The following SYT6 variants were observed in gnomAD, a reference collection of about 807,000 sequenced individuals.
SYT6 encodes the protein synaptotagmin 6.
Under a neutral mutation model 38.4 loss-of-function variants are expected in SYT6, and 24 were observed. The ratio of observed to expected loss-of-function variants is 0.62; its 90% CI spans 0.45 to 0.88. SYT6 has a LOEUF of 0.88. Ranked by LOEUF, SYT6 falls within the 40% of genes least tolerant of loss-of-function variation. The probability of loss-of-function intolerance (pLI) is 0.00; values close to 1 mark genes in which losing one functional copy is unlikely to be tolerated. For missense variants in SYT6, 611 were observed against 621.0 expected (o/e 0.98, Z 0.17); for synonymous variants, 265 against 241.9 (o/e 1.10, Z -0.89).
chr1:114,119,990 G>C (rs1677284600), intron 3 of SYT6, among the ~76,000 whole-genome samples: 1 of 150,316 alleles, frequency 6.7e-6, no homozygotes, highest in South Asian at 2.1e-4. Flanking sequence ...AGAACGGCCT[G>C]AACCTGGGAG....
At position 114,131,018 on chromosome 1, in the gene SYT6, C is replaced by T. The variant is rs142541935; in HGVS notation, c.1071+6477G>A. On this transcript the variant is annotated intron_variant, in intron 3 of 7. Coordinates refer to ENST00000610222, the MANE Select transcript of SYT6 (RefSeq NM_001253772.2). ...ATCTCATTCGACTTGAGTGTGTGGG[C>T]GTGAGAAGAGGATGCAACTGAAATT... is the stretch of plus-strand genomic sequence containing the variant. Among the ~76,000 whole-genome samples, 248 of 152,096 alleles carry T rather than the reference C, an allele frequency of 1.6e-3. 2 individuals carry two copies. The highest frequency in any genetic ancestry group is 5.6e-3 in the African/African-American group (234 of 41,484).
At chr1:114,108,570 C>G (rs1451745240) in intron 3 of SYT6, among the ~76,000 whole-genome samples, 1 of 152,134 alleles carries the variant, frequency 6.6e-6, no homozygotes, top group African/African-American at 2.4e-5. Flanking sequence ...CCATGAGAAC[C>G]CAAGATTCCA....
intron 3 of SYT6, among the ~76,000 whole-genome samples, chr1:114,115,266 A>G (rs939390025): frequency 1.3e-5 from 2 of 152,210 alleles, no homozygotes; most frequent in Non-Finnish European, 2.9e-5. Flanking sequence ...AGTTGGAAGA[A>G]CCAATTGAAC....
chr1:114,112,664 C>T (rs2101016006), intron 3 of SYT6, among the ~76,000 whole-genome samples: 1 of 152,356 alleles, frequency 6.6e-6, no homozygotes, highest in Non-Finnish European at 1.5e-5. Context: ...GGTGCTTGTG[C>T]CTGAGAGCCC....
chr1:114,118,985 G>A (rs539564159), intron 3 of SYT6, among the ~76,000 whole-genome samples: 9 of 152,308 alleles, frequency 5.9e-5, no homozygotes, highest in Admixed American at 5.9e-4. Context: ...GCACACCATT[G>A]TTCTGCAGGG....
chr1:114,101,255 A>T (rs1675951484), intron 4 of SYT6, among the ~76,000 whole-genome samples: 1 of 152,170 alleles, frequency 6.6e-6, no homozygotes, highest in Admixed American at 6.5e-5. Flanking sequence ...ACCAGCATCC[A>T]TGAAGCCAAG....
At chr1:114,093,077 T>C (rs1203811039) in intron 7 of SYT6, among the ~76,000 whole-genome samples, 1 of 152,124 alleles carries the variant, frequency 6.6e-6, no homozygotes, top group Non-Finnish European at 1.5e-5. Flanking sequence ...CTCATGAGCG[T>C]TGAGGGTCTC....
chr1:114,137,699 G>A lies in SYT6; in HGVS notation c.867C>T (p.Thr289=). The A allele has an allele frequency of 1.2e-6, 2 of 1,613,878 alleles. No homozygotes were observed. The highest frequency in any genetic ancestry group is 1.7e-6 in the Non-Finnish European group (2 of 1,179,806). ...AGTTCTCATCAAAGGTGGGGTTCAG[G>A]GTCTTGCGGTGCACCCGGGTCTGCA... ...CKLQTRVHRK[T]LNPTFDENFH... is the part of the protein sequence containing the mutation. The change falls in exon 3 of 8, where the codon ACC becomes ACT. Residue 289 remains threonine (T), a synonymous_variant. Coordinates refer to ENST00000610222, the MANE Select transcript of SYT6 (RefSeq NM_001253772.2).
At chr1:114,126,093 A>T (rs563467053) in intron 3 of SYT6, among the ~76,000 whole-genome samples, 1 of 152,168 alleles carries the variant, frequency 6.6e-6, no homozygotes. Context: ...ATAAAAACCC[A>T]GAGACTAGGA....
Position 114,137,715 on chromosome 1 carries a change from C to T in SYT6, c.851G>A (p.Arg284Gln), listed in dbSNP as rs778219099. 6 of 1,613,808 alleles carry T rather than the reference C, an allele frequency of 3.7e-6. No homozygotes were observed. Among genetic ancestry groups the T allele is most frequent in the East Asian group, 2.2e-5 (1 of 44,880 alleles). The change falls in exon 3 of 8, where the codon CGG becomes CAG. Residue 284 changes from arginine (R) to glutamine (Q), a missense_variant. Physicochemically the swap from Arg to Gln is conservative, Grantham distance 43 (BLOSUM62 1). Transcript: ENST00000610222. ...LPDRKCKLQT[R>Q]VHRKTLNPTF... ...GGGGTTCAGGGTCTTGCGGTGCACC[C>T]GGGTCTGCAGCTTGCATTTGCGGTC...
chr1:114,124,061 T>C (rs1254458995), intron 3 of SYT6, among the ~76,000 whole-genome samples: 1 of 152,200 alleles, frequency 6.6e-6, no homozygotes, highest in Admixed American at 6.5e-5. Context: ...TAGAAGTGGC[T>C]TCCCCCTTCC....
At chr1:114,094,664 TAAAAA>T (rs1170209788) in intron 6 of SYT6, among the ~76,000 whole-genome samples, 3 of 152,166 alleles carry the variant, frequency 2.0e-5, no homozygotes, top group East Asian at 1.9e-4. Flanking sequence ...TTCTCATTAA[TAAAAA>T]AGAAATGATC....
At chr1:114,097,615 C>T in intron 6 of SYT6, 112 bp downstream of exon 6, 1 of 1,344,174 alleles carries the variant, frequency 7.4e-7, no homozygotes, top group Non-Finnish European at 1.0e-6. Context: ...AGCATGTGGC[C>T]CTCATGCCCA....
chr1:114,101,737 G>T (rs547311899), intron 4 of SYT6, among the ~76,000 whole-genome samples: 1 of 152,194 alleles, frequency 6.6e-6, no homozygotes, highest in Non-Finnish European at 1.5e-5. Context: ...GATCTAGTTC[G>T]AGAGGCTCCT....
In SYT6 at chr1:114,138,016, G is replaced by T. The variant is rs1678610737; in HGVS notation, c.550C>A (p.His184Asn). The stretch of plus-strand genomic sequence containing the variant: ...TTGCCATAGTCTACACTGGAGACAT[G>T]CATCTGCCTTGGCAGGTGGCGCTTG... ...SFKRHLPRQM[H>N]VSSVDYGNEL... is the part of the protein sequence containing the mutation. Residue 184 changes from histidine to asparagine, a missense_variant, in exon 3 of 8, where the codon CAT becomes AAT. Coordinates refer to ENST00000610222, the MANE Select transcript of SYT6 (RefSeq NM_001253772.2). 2 of 1,613,994 alleles carry T rather than the reference G, an allele frequency of 1.2e-6. No individual in the cohort carries two copies. The highest frequency in any genetic ancestry group is 4.5e-5 in the East Asian group (2 of 44,858).
At chr1:114,093,076 G>A (rs971963753) in intron 7 of SYT6, among the ~76,000 whole-genome samples, 3 of 152,266 alleles carry the variant, frequency 2.0e-5, no homozygotes, top group South Asian at 2.1e-4. Context: ...TCTCATGAGC[G>A]TTGAGGGTCT....
chr1:114,135,950 G>A (rs1361919765), intron 3 of SYT6, among the ~76,000 whole-genome samples: 1 of 152,220 alleles, frequency 6.6e-6, no homozygotes, highest in African/African-American at 2.4e-5. Flanking sequence ...TTTATGGAGT[G>A]GAGCGCTCGG....
intron 1 of SYT6, among the ~76,000 whole-genome samples, chr1:114,153,260 A>G (rs1166883498): frequency 6.6e-6 from 1 of 152,122 alleles, no homozygotes; most frequent in Non-Finnish European, 1.5e-5. Flanking sequence ...CGCTCTCTCC[A>G]TGGACCCCTC....
rs764976999 is a variant in SYT6, at chr1:114,099,092, A to G, written c.1364+2T>C. On this transcript the variant is annotated splice_donor_variant, in intron 5 of 7. Coordinates refer to ENST00000610222, the MANE Select transcript of SYT6 (RefSeq NM_001253772.2). LOFTEE classifies it high-confidence loss of function. Reference sequence around the variant, plus strand: ...TTACGTCCCTCTAGGACGCCTACCTACCGATCATAGTCCATGACTGAGATG... The same window carrying G: ...TTACGTCCCTCTAGGACGCCTACCTGCCGATCATAGTCCATGACTGAGATG... The G allele has an allele frequency of 3.1e-6, 5 of 1,611,356 alleles. No homozygotes were observed. Among genetic ancestry groups the G allele is most frequent in the Non-Finnish European group, 4.2e-6 (5 of 1,178,516 alleles).
Sources: gnomAD v4.1 joint callset for allele counts (sites outside exome capture counted in the v4.1 genomes callset) on GRCh38, gnomAD v4.1.1 for gene constraint, MANE v1.5 for transcripts, NCBI Gene and HGNC (gene_info 2026-07-23, HGNC 2026-07-21) for gene names.